The following NBEA variants were observed in gnomAD, a reference collection of about 807,000 sequenced individuals.
NBEA encodes the protein lysosomal-trafficking regulator 2.
Under a neutral mutation model 343.4 loss-of-function variants are expected in NBEA, and 44 were observed. The ratio of observed to expected loss-of-function variants is 0.13; its 90% CI spans 0.10 to 0.16. The LOEUF (loss-of-function observed/expected upper bound fraction) is 0.16. Ranked by LOEUF, NBEA falls within the 10% of genes least tolerant of loss-of-function variation. The probability of loss-of-function intolerance (pLI) is 1.00; values close to 1 mark genes in which losing one functional copy is unlikely to be tolerated. For missense variants in NBEA, 2,555 were observed against 3,631.3 expected (o/e 0.70, Z 7.62); for synonymous variants, 1,175 against 1,238.7 (o/e 0.95, Z 1.08).
At chr13:35,405,089 A>T (rs116212610) in intron 38 of NBEA, among the ~76,000 whole-genome samples, 105 of 152,308 alleles carry the variant, frequency 6.9e-4, no homozygotes, top group African/African-American at 2.5e-3. Flanking sequence ...TTCAGTAAGT[A>T]TTGCATTAAA....
rs1002732537 is a variant in NBEA, at chr13:35,157,277, C to T, written c.2844+7C>T. 4 of 1,516,170 alleles carry T rather than the reference C, an allele frequency of 2.6e-6. No homozygotes were observed. Among genetic ancestry groups the T allele is most frequent in the East Asian group, 2.4e-5 (1 of 42,110 alleles). 93.9% of individuals were successfully genotyped at this position (1,516,170 alleles called of 1,614,324 possible). A position where few individuals can be genotyped will look rare whatever the true frequency, so the allele number is the denominator to read the frequency against. On this transcript the variant is annotated splice_region_variant and intron_variant, in intron 21 of 58. Coordinates refer to ENST00000379939, the MANE Select transcript of NBEA (RefSeq NM_001385012.1). ...CTCAATAGCCCATTCCAAGGTAACA[C>T]GGGATTTAACATTTTAACATCATCA... is the stretch of plus-strand genomic sequence containing the variant.
rs11450264 is a variant in NBEA, at chr13:35,151,114, T to TAA, written c.2446-4645_2446-4644dup. Among the ~76,000 whole-genome samples the TAA allele has an allele frequency of 6.7e-3, 904 of 134,720 alleles. 10 individuals are homozygous for TAA. The highest frequency in any genetic ancestry group is 0.01 in the Non-Finnish European group (642 of 63,740). 88.4% of individuals were successfully genotyped at this position (134,720 alleles called of 152,430 possible). A position where few individuals can be genotyped will look rare whatever the true frequency, so the allele number is the denominator to read the frequency against. On this transcript the variant is annotated intron_variant, in intron 18 of 58. Coordinates refer to ENST00000379939, the MANE Select transcript of NBEA (RefSeq NM_001385012.1). ...TGGTCGACAAACAAGACACTGGCTCTAAAAAAAAAAAAAAAAGAAAAGAAA... is the reference window on the plus strand; with the variant it reads ...TGGTCGACAAACAAGACACTGGCTCTAAAAAAAAAAAAAAAAAAGAAAAGAAA...
At chr13:35,034,060 C>T (rs1252217813) in intron 1 of NBEA, among the ~76,000 whole-genome samples, 2 of 151,448 alleles carry the variant, frequency 1.3e-5, no homozygotes, top group Admixed American at 6.6e-5. Context: ...CAGTGTTAAC[C>T]GTGGGTATCC....
At chr13:35,000,935 G>A (rs1384786583) in intron 1 of NBEA, among the ~76,000 whole-genome samples, 1 of 151,852 alleles carries the variant, frequency 6.6e-6, no homozygotes, top group Non-Finnish European at 1.5e-5. Context: ...GAAACACTTG[G>A]CAGCAATGAT....
In NBEA at chr13:35,331,136, A is replaced by G. The variant is rs2038901914; in HGVS notation, c.5904-17972A>G. 3.3e-5 allele frequency among the ~76,000 whole-genome samples: 5 copies of G among 152,122 alleles called. 1 individual carries two copies. In the South Asian group the frequency reaches 8.3e-4, roughly 25 times the overall value. On this transcript the variant is annotated intron_variant, in intron 36 of 58. Transcript: ENST00000379939. ...CTTCTAAGGAGCATAAAGATGACCA[A>G]TCTATCAATGTGTATCTTTCAGAAA... is the stretch of plus-strand genomic sequence containing the variant.
At chr13:35,301,072 A>C (rs944982792) in intron 35 of NBEA, among the ~76,000 whole-genome samples, 1 of 152,190 alleles carries the variant, frequency 6.6e-6, no homozygotes, top group African/African-American at 2.4e-5. Context: ...TATCTTGTGA[A>C]GAATATTTTA....
intron 33 of NBEA, among the ~76,000 whole-genome samples, chr13:35,211,853 A>G (rs573544372): frequency 6.6e-6 from 1 of 151,662 alleles, no homozygotes; most frequent in Admixed American, 6.6e-5. Flanking sequence ...TAAACAAACA[A>G]ACTAAGTAAC....
At chr13:34,943,897 A>G (rs1194457417) in intron 1 of NBEA, among the ~76,000 whole-genome samples, 1 of 152,180 alleles carries the variant, frequency 6.6e-6, no homozygotes, top group Admixed American at 6.5e-5. Flanking sequence ...CTTTCATGGT[A>G]AGAAAGAGTT....
chr13:35,015,072 C>T (rs1316083795), intron 1 of NBEA, among the ~76,000 whole-genome samples: 1 of 135,924 alleles, frequency 7.4e-6, no homozygotes, highest in Non-Finnish European at 1.5e-5. Flanking sequence ...TCCAGTGCTT[C>T]AGCATCGTGC....
chr13:35,356,359 T>G (rs1477092453), intron 38 of NBEA, among the ~76,000 whole-genome samples: 2 of 152,170 alleles, frequency 1.3e-5, no homozygotes, highest in Non-Finnish European at 2.9e-5. Context: ...GGAAAATATT[T>G]CAACAGCAAA....
chr13:35,195,884 G>A lies in NBEA; in HGVS notation c.4948G>A (p.Asp1650Asn), dbSNP rs751603397. The A allele has an allele frequency of 1.9e-5, 30 of 1,597,034 alleles. No individual in the cohort carries two copies. The highest frequency in any genetic ancestry group is 2.6e-5 in the Non-Finnish European group (30 of 1,174,938). The change falls in exon 31 of 59, where the codon GAC becomes AAC. Residue 1650 changes from aspartate to asparagine, a missense_variant. By Grantham distance (23) the Asp-to-Asn change is conservative. This residue lies in a region of NBEA where 270 missense variants were observed against 293.3 expected (regional missense o/e 0.92). Transcript: ENST00000379939. ...TACAGAAACACCTGCTGCATTTCCAGACACCATAAAAGAAAAAGAAACACC... is the reference window on the plus strand; with the variant it reads ...TACAGAAACACCTGCTGCATTTCCAAACACCATAAAAGAAAAAGAAACACC... ...FYKETPAAFP[D>N]TIKEKETPTP... is the part of the protein sequence containing the mutation.
rs71081262 is a variant in NBEA at position 35,539,915 on chromosome 13, C to CAAAAAAA, written c.6586-10541_6586-10535dup. Among the ~76,000 whole-genome samples, 333 of 39,594 alleles carry CAAAAAAA rather than the reference C, an allele frequency of 8.4e-3. 79 individuals are homozygous for CAAAAAAA. The highest frequency in any genetic ancestry group is 0.023 in the African/African-American group (189 of 8,118). The allele number at this position is 39,594 out of a possible 152,430, so 26.0% of individuals were successfully genotyped here. A position where few individuals can be genotyped will look rare whatever the true frequency, so the allele number is the denominator to read the frequency against. On this transcript the variant is annotated intron_variant, in intron 41 of 58. Transcript: ENST00000379939. Reference sequence around the variant, plus strand: ...TGGGCGACAGAGCAAGACTCCGTCTCAAAAAAAAAAAAAAAAAAAAAAAAA... The same window carrying CAAAAAAA: ...TGGGCGACAGAGCAAGACTCCGTCTCAAAAAAAAAAAAAAAAAAAAAAAAAAAAAAAA...
intron 33 of NBEA, among the ~76,000 whole-genome samples, chr13:35,228,589 T>A (rs1345057361): frequency 6.6e-6 from 1 of 152,058 alleles, no homozygotes; most frequent in Non-Finnish European, 1.5e-5. Flanking sequence ...CCATATTCTA[T>A]GTCCATGTGT....
chr13:35,476,413 C>A (rs991299149), intron 41 of NBEA: 3 of 997,428 alleles, frequency 3.0e-6, no homozygotes, highest in South Asian at 2.7e-5. Flanking sequence ...CTGTCCTCCC[C>A]CCTCTGCTTG....
At chr13:35,417,400 G>A (rs767286398) in intron 38 of NBEA, among the ~76,000 whole-genome samples, 8 of 152,104 alleles carry the variant, frequency 5.3e-5, no homozygotes, top group Non-Finnish European at 1.0e-4. Context: ...TCTACACACC[G>A]CTTTAAATGT....
At position 35,123,732 on chromosome 13, in the gene NBEA, T is replaced by C. The variant is rs774102108; in HGVS notation, c.2336+158T>C. Among the ~76,000 whole-genome samples, 4 of 152,248 alleles carry C rather than the reference T, an allele frequency of 2.6e-5. No homozygotes were observed. In the East Asian group the frequency reaches 7.7e-4, roughly 29 times the overall value. ...GAAATTGTAAAAATGTTTTATAAAA[T>C]ATATTTTATTAATAGTAGATTGTGA... is the stretch of plus-strand genomic sequence containing the variant. On this transcript the variant is annotated intron_variant, in intron 17 of 58. Coordinates refer to ENST00000379939, the MANE Select transcript of NBEA (RefSeq NM_001385012.1).
At chr13:35,106,830 T>A (rs1314846062) in intron 11 of NBEA, among the ~76,000 whole-genome samples, 1 of 151,822 alleles carries the variant, frequency 6.6e-6, no homozygotes, top group Non-Finnish European at 1.5e-5. Context: ...TTTAATATCA[T>A]GGTCCAAGTT....
intron 38 of NBEA, among the ~76,000 whole-genome samples, chr13:35,380,885 T>C (rs1417195287): frequency 6.6e-6 from 1 of 152,186 alleles, no homozygotes; most frequent in Non-Finnish European, 1.5e-5. Flanking sequence ...AATTGTGATA[T>C]TAGTCATAGG....
intron 10 of NBEA, among the ~76,000 whole-genome samples, chr13:35,085,703 G>C (rs1430101807): frequency 1.3e-5 from 2 of 151,894 alleles, no homozygotes; most frequent in African/African-American, 4.8e-5. Flanking sequence ...CACCACTCCT[G>C]TTGAACATAG....
Sources: allele counts gnomAD v4.1 joint callset (sites outside exome capture counted in the v4.1 genomes callset), GRCh38; gene constraint gnomAD v4.1.1; regional missense constraint gnomAD v4.1.1; transcripts MANE v1.5; gene names NCBI Gene and HGNC (gene_info 2026-07-23, HGNC 2026-07-21).